Variants in SLC9A7 observed in about 807,000 individuals in gnomAD.
The protein encoded by SLC9A7 is solute carrier family 9 member A7, also known as sodium/hydrogen exchanger 7.
A neutral mutation model predicts 52.6 loss-of-function variants in SLC9A7; 19 were observed. That is an observed-to-expected ratio of 0.36 (90% CI 0.25 to 0.53). The LOEUF is 0.53. Among genes scored for constraint, SLC9A7 ranks in the 20% least tolerant of loss-of-function variants. The pLI, the probability that SLC9A7 is intolerant of heterozygous loss-of-function variation, is 0.91. For synonymous variants in SLC9A7, 226 were observed against 252.1 expected (o/e 0.90, Z 0.98); for missense variants, 455 against 597.9 (o/e 0.76, Z 2.49).
At chrX:46,730,650 A>G (rs1314927885) in intron 1 of SLC9A7, among the ~76,000 whole-genome samples, 1 of 86,114 alleles carries the variant, frequency 1.2e-5, no homozygotes, top group South Asian at 6.0e-4. Context: ...ACAGAGCGAG[A>G]CTGTCTCAAA....
At chrX:46,724,980 G>A (rs1392113482) in intron 1 of SLC9A7, among the ~76,000 whole-genome samples, 1 of 111,797 alleles carries the variant, frequency 8.9e-6, no homozygotes, top group Non-Finnish European at 1.9e-5. Flanking sequence ...CAAAAAAAGC[G>A]TTTCCCAAAC....
At chrX:46,718,279 C>T (rs1317775744) in intron 1 of SLC9A7, among the ~76,000 whole-genome samples, 3 of 111,722 alleles carry the variant, frequency 2.7e-5, no homozygotes, top group African/African-American at 6.5e-5. Flanking sequence ...TTCCTTACAC[C>T]TTATACAAAA....
intron 11 of SLC9A7, chrX:46,647,260 C>T: frequency 5.5e-6 from 1 of 181,695 alleles, no homozygotes; most frequent in Non-Finnish European, 1.1e-5. Context: ...GGTGTCCTTC[C>T]AGCCACTGAA....
At chrX:46,731,088 A>G (rs1192278315) in intron 1 of SLC9A7, among the ~76,000 whole-genome samples, 4 of 110,244 alleles carry the variant, frequency 3.6e-5, no homozygotes, top group Non-Finnish European at 3.8e-5. Context: ...TCTAAGGTCC[A>G]TAACAATTGG....
intron 2 of SLC9A7, among the ~76,000 whole-genome samples, chrX:46,680,216 A>C (rs1944189932): frequency 9.1e-6 from 1 of 109,552 alleles, no homozygotes; most frequent in Non-Finnish European, 1.9e-5. Flanking sequence ...AGGTGTGGTG[A>C]CAGATGCCTG....
rs1169630244 is a variant in SLC9A7, at chrX:46,682,960, A to ATTTTTTT, written c.326-432_326-426dup. Among the ~76,000 whole-genome samples the ATTTTTTT allele has an allele frequency of 1.2e-3, 77 of 64,893 alleles. 1 individual carries two copies. Among genetic ancestry groups the ATTTTTTT allele is most frequent in the South Asian group, 3.0e-3 (3 of 997 alleles). The allele number at this position is 64,893 out of a possible 115,157, so 56.4% of individuals were successfully genotyped here. ...AGGCACCCACCACTACACCCGGCTAATTTTTTTTTTTTTTTTTTTTTTGTA... is the reference window on the plus strand; with the variant it reads ...AGGCACCCACCACTACACCCGGCTAATTTTTTTTTTTTTTTTTTTTTTTTTTTTTGTA... On this transcript the variant is annotated intron_variant, in intron 1 of 16. Coordinates refer to ENST00000616978, the MANE Select transcript of SLC9A7 (RefSeq NM_001257291.2).
At chrX:46,642,230 G>A (rs1004578260) in intron 12 of SLC9A7, among the ~76,000 whole-genome samples, 9 of 112,798 alleles carry the variant, frequency 8.0e-5, no homozygotes, top group African/African-American at 2.6e-4. Flanking sequence ...AGCTATGTAC[G>A]CTCTGCAGCT....
intron 14 of SLC9A7, among the ~76,000 whole-genome samples, chrX:46,622,511 C>T (rs973780634): frequency 9.0e-6 from 1 of 111,705 alleles, no homozygotes; most frequent in Admixed American, 9.5e-5. Flanking sequence ...AAAGCCAGCA[C>T]AACGATAAAC....
intron 5 of SLC9A7, among the ~76,000 whole-genome samples, chrX:46,663,989 T>C (rs953659039): frequency 9.0e-6 from 1 of 111,542 alleles, no homozygotes; most frequent in Non-Finnish European, 1.9e-5. Flanking sequence ...TTTTATAAAT[T>C]CCATCTTTGT....
chrX:46,667,680 A>C (rs775656890), intron 5 of SLC9A7, among the ~76,000 whole-genome samples: 1 of 111,510 alleles, frequency 9.0e-6, no homozygotes, highest in African/African-American at 3.3e-5. Flanking sequence ...GTATCTTAAT[A>C]TCTTTAAGGT....
chrX:46,641,237 G>A (rs962905417), intron 12 of SLC9A7, among the ~76,000 whole-genome samples: 1 of 112,081 alleles, frequency 8.9e-6, no homozygotes, highest in Non-Finnish European at 1.9e-5. Flanking sequence ...ATGCTACTCT[G>A]CAATAAAACA....
chrX:46,633,764 C>T (rs890699612), intron 13 of SLC9A7, among the ~76,000 whole-genome samples: 2 of 109,177 alleles, frequency 1.8e-5, no homozygotes, highest in East Asian at 2.9e-4. Context: ...CTCCATCTCC[C>T]GGGTTCAAGT....
chrX:46,624,242 T>C (rs755987189), intron 14 of SLC9A7, among the ~76,000 whole-genome samples: 1 of 111,753 alleles, frequency 8.9e-6, no homozygotes, highest in Admixed American at 9.5e-5. Context: ...AACCCCCCCC[T>C]ATAGCCAGTC....
At chrX:46,659,850 C>A (rs1471864666) in intron 7 of SLC9A7, among the ~76,000 whole-genome samples, 32 of 96,132 alleles carry the variant, frequency 3.3e-4, no homozygotes, top group African/African-American at 1.3e-3. Context: ...CAATGACTTT[C>A]TTCACAGAAT....
At chrX:46,615,738 C>T (rs1032878835) in intron 15 of SLC9A7, among the ~76,000 whole-genome samples, 13 of 108,997 alleles carry the variant, frequency 1.2e-4, no homozygotes, top group African/African-American at 4.0e-4. Flanking sequence ...CAAAATAAAA[C>T]ATCAAGTCTT....
chrX:46,753,272 C>T (rs1227560534), intron 1 of SLC9A7, among the ~76,000 whole-genome samples: 5 of 111,437 alleles, frequency 4.5e-5, no homozygotes, highest in Non-Finnish European at 7.5e-5. Flanking sequence ...AGGAAAAGTA[C>T]CACCTCCCCT....
intron 1 of SLC9A7, among the ~76,000 whole-genome samples, chrX:46,709,904 T>G (rs1269239694): frequency 8.9e-6 from 1 of 112,312 alleles, no homozygotes; most frequent in Non-Finnish European, 1.9e-5. Context: ...CCAACTGCGT[T>G]ATTACATACG....
intron 13 of SLC9A7, among the ~76,000 whole-genome samples, chrX:46,634,906 A>G (rs1287870118): frequency 9.0e-6 from 1 of 111,249 alleles, no homozygotes; most frequent in Admixed American, 9.5e-5. Flanking sequence ...CAGATCAGGA[A>G]GAAAACATGC....
At chrX:46,730,969 G>T in intron 1 of SLC9A7, among the ~76,000 whole-genome samples, 1 of 107,576 alleles carries the variant, frequency 9.3e-6, no homozygotes, top group East Asian at 3.0e-4. Flanking sequence ...AAACAGGAAA[G>T]CTAATTTTAG....
Sources: gnomAD v4.1 joint callset for allele counts (sites outside exome capture counted in the v4.1 genomes callset) on GRCh38, gnomAD v4.1.1 for gene constraint, MANE v1.5 for transcripts, NCBI Gene and HGNC (gene_info 2026-07-23, HGNC 2026-07-21) for gene names.